Variants in ANXA8 observed in about 807,000 individuals in gnomAD.
ANXA8 encodes VAC-beta.
A neutral mutation model predicts 26.8 loss-of-function variants in ANXA8; 9 were observed. The ratio of observed to expected loss-of-function variants is 0.34; its 90% CI spans 0.20 to 0.59. The LOEUF is 0.59. ANXA8 is among the 20% of genes least tolerant of loss of function. The probability of loss-of-function intolerance (pLI) is 0.84; values close to 1 mark genes in which losing one functional copy is unlikely to be tolerated. For synonymous variants in ANXA8, 39 were observed against 94.8 expected (o/e 0.41, Z 3.42); for missense variants, 83 against 238.5 (o/e 0.35, Z 4.29).
the ANXA8 span, among the ~76,000 whole-genome samples, chr10:47,699,050 C>G: frequency 6.6e-6 from 1 of 151,566 alleles, no homozygotes; most frequent in Non-Finnish European, 1.5e-5. Flanking sequence ...CGCACTTAGA[C>G]AAGAAGAGGC....
At chr10:47,711,714 G>A in the ANXA8 span, among the ~76,000 whole-genome samples, 115 of 121,622 alleles carry the variant, frequency 9.5e-4, no homozygotes, top group Middle Eastern at 3.9e-3. Context: ...TAGGTCACAG[G>A]TATAGTGGAG....
chr10:47,688,124 C>T, the ANXA8 span, among the ~76,000 whole-genome samples: 237 of 148,618 alleles, frequency 1.6e-3, 3 homozygotes, highest in African/African-American at 5.6e-3. Flanking sequence ...TAAAGGGTCT[C>T]ACTTTGTTAC....
chr10:47,488,740 TTTTTTG>T, upstream of ANXA8, among the ~76,000 whole-genome samples: 1 of 134,732 alleles, frequency 7.4e-6, no homozygotes, highest in African/African-American at 2.9e-5. Flanking sequence ...TTTTTTTTTT[TTTTTTG>T]AGACAGAGTA....
chr10:47,544,022 C>T, the ANXA8 span, among the ~76,000 whole-genome samples: 4 of 149,922 alleles, frequency 2.7e-5, no homozygotes, highest in Non-Finnish European at 5.9e-5. Flanking sequence ...AGGGGTATTC[C>T]AGGCTGAGAA....
the ANXA8 span, among the ~76,000 whole-genome samples, chr10:47,981,998 C>T: frequency 6.7e-6 from 1 of 150,212 alleles, no homozygotes; most frequent in Non-Finnish European, 1.5e-5. Context: ...GATTTAAAAA[C>T]TTAATACAGG....
chr10:47,502,145 G>A, the ANXA8 span: 1 of 1,569,768 alleles, frequency 6.4e-7, no homozygotes, highest in East Asian at 2.5e-5. Flanking sequence ...GGCCTGCCGG[G>A]CGTAGGTCAG....
the ANXA8 span, among the ~76,000 whole-genome samples, chr10:47,599,099 T>C: frequency 2.5e-4 from 37 of 147,590 alleles, no homozygotes; most frequent in South Asian, 7.8e-3. Flanking sequence ...TACATAATAA[T>C]ATATAGTTAA....
chr10:47,925,383 T>C, the ANXA8 span, among the ~76,000 whole-genome samples: 1 of 143,372 alleles, frequency 7.0e-6, no homozygotes, highest in African/African-American at 2.6e-5. Context: ...TTGTTCAAGC[T>C]TCCCAAGGAA....
upstream of ANXA8, among the ~76,000 whole-genome samples, chr10:47,485,996 T>A (rs1265284765): frequency 6.6e-6 from 1 of 151,684 alleles, no homozygotes; most frequent in Non-Finnish European, 1.5e-5. Context: ...TAGTCCCAGC[T>A]ACTGGGGAGG....
the ANXA8 span, among the ~76,000 whole-genome samples, chr10:47,657,888 T>C: frequency 4.0e-4 from 61 of 151,656 alleles, no homozygotes; most frequent in South Asian, 0.012. Context: ...ATTGGCTCAC[T>C]TATTATTAAT....
At chr10:47,936,814 C>T in the ANXA8 span, among the ~76,000 whole-genome samples, 1 of 151,974 alleles carries the variant, frequency 6.6e-6, no homozygotes. Context: ...CAGTGCGCTG[C>T]CCTGGAAGGG....
At chr10:47,681,186 G>C in the ANXA8 span, among the ~76,000 whole-genome samples, 1 of 151,758 alleles carries the variant, frequency 6.6e-6, no homozygotes, top group Non-Finnish European at 1.5e-5. Context: ...CTGAATGAAC[G>C]TTAAAGATAG....
chr10:47,553,224 G>A, the ANXA8 span: 1 of 151,996 alleles, frequency 6.6e-6, no homozygotes, highest in Non-Finnish European at 1.5e-5. Flanking sequence ...GTCGCCTGCC[G>A]GGACCACGTC....
At chr10:47,626,006 G>A in the ANXA8 span, among the ~76,000 whole-genome samples, 1 of 150,306 alleles carries the variant, frequency 6.7e-6, no homozygotes, top group African/African-American at 2.5e-5. Context: ...TTCACTTGAC[G>A]TAAAGTCTCC....
At chr10:47,768,250 T>G in the ANXA8 span, among the ~76,000 whole-genome samples, 53 of 151,594 alleles carry the variant, frequency 3.5e-4, 1 homozygote, top group East Asian at 1.4e-3. Flanking sequence ...CTGCCCCTCC[T>G]CCAGCTTCTG....
chr10:47,972,765 C>CAGG, the ANXA8 span, among the ~76,000 whole-genome samples: 5 of 111,436 alleles, frequency 4.5e-5, no homozygotes, highest in Admixed American at 4.9e-4. Flanking sequence ...TGATGGAGGG[C>CAGG]AGGAGTGAGA....
At chr10:47,660,014 C>G in the ANXA8 span, among the ~76,000 whole-genome samples, 1 of 148,444 alleles carries the variant, frequency 6.7e-6, no homozygotes. Flanking sequence ...GCCTCGGCCT[C>G]ACAGTGTTGG....
At chr10:47,519,573 G>A in the ANXA8 span, among the ~76,000 whole-genome samples, 1 of 80,536 alleles carries the variant, frequency 1.2e-5, no homozygotes, top group Non-Finnish European at 2.3e-5. Context: ...TTGTAAGTTT[G>A]CTGAGGCCCT....
At chr10:47,976,573 A>ACACAC in the ANXA8 span, among the ~76,000 whole-genome samples, 1 of 145,542 alleles carries the variant, frequency 6.9e-6, no homozygotes, top group Non-Finnish European at 1.5e-5. Context: ...ACACACACAC[A>ACACAC]ATTAACATTC....
Sources: allele counts gnomAD v4.1 joint callset (sites outside exome capture counted in the v4.1 genomes callset), GRCh38; gene constraint gnomAD v4.1.1; transcripts MANE v1.5; gene names NCBI Gene and HGNC (gene_info 2026-07-23, HGNC 2026-07-21).